Variants in CADPS2 observed in about 807,000 individuals in gnomAD.
CADPS2 encodes calcium-dependent secretion activator 2.
A neutral mutation model predicts 172.5 loss-of-function variants in CADPS2; 93 were observed. The observed-to-expected ratio is 0.54, with a 90% CI of 0.46 to 0.64. The LOEUF (loss-of-function observed/expected upper bound fraction) is 0.64. CADPS2 is among the 30% of genes least tolerant of loss of function. The pLI, the probability that CADPS2 is intolerant of heterozygous loss-of-function variation, is 0.00. For synonymous variants in CADPS2, 546 were observed against 555.2 expected (o/e 0.98, Z 0.23); for missense variants, 1,420 against 1,565.9 (o/e 0.91, Z 1.57).
chr7:122,883,834 A>AT lies in CADPS2; in HGVS notation c.339+2164dup, dbSNP rs910659758. On this transcript the variant is annotated intron_variant, in intron 1 of 29. Transcript: ENST00000449022. ...GAATGTGGAAATTCCTAAGGATTCT[A>AT]TTTTTTTTCATAGAATATATGTTGT... Among the ~76,000 whole-genome samples the AT allele has an allele frequency of 7.2e-5, 11 of 152,030 alleles. No individual in the cohort carries two copies. In the South Asian group the frequency reaches 8.3e-4, roughly 11 times the overall value.
intron 22 of CADPS2, among the ~76,000 whole-genome samples, chr7:122,392,690 G>A (rs189284473): frequency 1.3e-5 from 2 of 152,186 alleles, no homozygotes; most frequent in African/African-American, 2.4e-5. Context: ...AGAACTTCCT[G>A]GTTTTGGCAA....
intron 3 of CADPS2, among the ~76,000 whole-genome samples, chr7:122,656,261 G>A (rs1040940401): frequency 6.6e-6 from 1 of 152,008 alleles, no homozygotes; most frequent in African/African-American, 2.4e-5. Flanking sequence ...TCCCTGTATG[G>A]CCATGGCAGA....
chr7:122,640,466 C>CAT (rs1426840905), intron 3 of CADPS2, among the ~76,000 whole-genome samples: 13 of 141,962 alleles, frequency 9.2e-5, no homozygotes, highest in African/African-American at 3.1e-4. Context: ...TGTGCACACA[C>CAT]ATATACACAC....
At chr7:122,513,365 G>T in intron 8 of CADPS2, 50 bp from the exon 9 acceptor site, 2 of 1,355,652 alleles carry the variant, frequency 1.5e-6, no homozygotes, top group Non-Finnish European at 2.1e-6. Flanking sequence ...ATAATGTTGT[G>T]CTTCCATGTA....
chr7:122,748,126 T>G (rs1157861972), intron 1 of CADPS2, among the ~76,000 whole-genome samples: 2 of 152,178 alleles, frequency 1.3e-5, no homozygotes, highest in African/African-American at 2.4e-5. Context: ...TATTACTTTT[T>G]GAAGAATATA....
chr7:122,368,702 T>TA (rs2041307961), intron 25 of CADPS2, among the ~76,000 whole-genome samples: 1 of 152,212 alleles, frequency 6.6e-6, no homozygotes, highest in Non-Finnish European at 1.5e-5. Context: ...CTTAAAACTA[T>TA]AAAAATGTTT....
intron 27 of CADPS2, chr7:122,357,353 C>T (rs991408978): frequency 6.6e-6 from 1 of 152,180 alleles, no homozygotes; most frequent in Non-Finnish European, 1.5e-5. Context: ...CTTATTCTTA[C>T]AGACTCCACT....
chr7:122,703,538 C>T (rs1359679943), intron 2 of CADPS2, among the ~76,000 whole-genome samples: 1 of 152,106 alleles, frequency 6.6e-6, no homozygotes, highest in Non-Finnish European at 1.5e-5. Flanking sequence ...CTGGTAAGAA[C>T]CTACTATGTG....
intron 17 of CADPS2, among the ~76,000 whole-genome samples, chr7:122,432,569 A>T (rs1427898547): frequency 6.8e-6 from 1 of 147,582 alleles, no homozygotes; most frequent in African/African-American, 2.5e-5. Context: ...TGAACTCGGG[A>T]GGCGGAGGTT....
intron 13 of CADPS2, among the ~76,000 whole-genome samples, chr7:122,472,160 C>T (rs1441297824): frequency 1.3e-5 from 2 of 152,136 alleles, no homozygotes; most frequent in South Asian, 4.1e-4. Flanking sequence ...CTGAACACAG[C>T]AGGCAGTTGA....
At chr7:122,827,862 T>C (rs989532038) in intron 1 of CADPS2, among the ~76,000 whole-genome samples, 2 of 152,082 alleles carry the variant, frequency 1.3e-5, no homozygotes, top group Non-Finnish European at 2.9e-5. Flanking sequence ...CAGCAACACA[T>C]AAAAAGAATT....
At chr7:122,361,966 G>A (rs1165867922) in intron 25 of CADPS2, among the ~76,000 whole-genome samples, 4 of 152,020 alleles carry the variant, frequency 2.6e-5, no homozygotes, top group African/African-American at 4.8e-5. Context: ...TTAGCTACTC[G>A]GGAGGCTGAG....
intron 1 of CADPS2, among the ~76,000 whole-genome samples, chr7:122,847,618 A>C (rs1299644537): frequency 5.3e-5 from 8 of 151,742 alleles, no homozygotes; most frequent in Admixed American, 6.6e-5. Flanking sequence ...TCTTGTCATC[A>C]TTAACAACAG....
At chr7:122,480,736 G>C in intron 12 of CADPS2, 116 bp downstream of exon 12, 1 of 636,434 alleles carries the variant, frequency 1.6e-6, no homozygotes, top group Non-Finnish European at 2.5e-6. Context: ...AAATATTCTG[G>C]GTTTGGCTAG....
intron 20 of CADPS2, among the ~76,000 whole-genome samples, chr7:122,395,686 T>G (rs772074563): frequency 2.0e-5 from 3 of 152,178 alleles, no homozygotes; most frequent in Non-Finnish European, 4.4e-5. Flanking sequence ...ACTTAAGAAC[T>G]CTCATTCTCT....
At chr7:122,754,665 C>T (rs544523685) in intron 1 of CADPS2, among the ~76,000 whole-genome samples, 2 of 152,108 alleles carry the variant, frequency 1.3e-5, no homozygotes, top group East Asian at 3.9e-4. Flanking sequence ...TTAGTAGAAA[C>T]GGGTTTCACC....
At chr7:122,574,050 TTGG>T (rs1159813121) in intron 7 of CADPS2, among the ~76,000 whole-genome samples, 1 of 152,124 alleles carries the variant, frequency 6.6e-6, no homozygotes, top group East Asian at 1.9e-4. Flanking sequence ...TGTAAGTTTG[TTGG>T]TGGTGGCACT....
chr7:122,425,274 C>T (rs1046342879), intron 17 of CADPS2, among the ~76,000 whole-genome samples: 2 of 151,902 alleles, frequency 1.3e-5, no homozygotes, highest in African/African-American at 4.8e-5. Context: ...AGCCACCATA[C>T]TCAGCCATAC....
chr7:122,801,563 C>T (rs576515723), intron 1 of CADPS2, among the ~76,000 whole-genome samples: 5 of 152,146 alleles, frequency 3.3e-5, no homozygotes, highest in Non-Finnish European at 5.9e-5. Context: ...CACATGTTCC[C>T]ATTAGATCAG....
Sources: gnomAD v4.1 joint callset for allele counts (sites outside exome capture counted in the v4.1 genomes callset) on GRCh38, gnomAD v4.1.1 for gene constraint, MANE v1.5 for transcripts, NCBI Gene and HGNC (gene_info 2026-07-23, HGNC 2026-07-21) for gene names.